Variants in HK3 observed in about 807,000 individuals in gnomAD.
HK3 encodes the protein hexokinase-3.
Under a neutral mutation model 91.0 loss-of-function variants are expected in HK3, and 93 were observed. That is an observed-to-expected ratio of 1.02 (90% confidence interval 0.86 to 1.21). The LOEUF is 1.21. Ranked by LOEUF, HK3 falls within the 50% of genes most tolerant of loss-of-function variation. The pLI, the probability that HK3 is intolerant of heterozygous loss-of-function variation, is 0.00. For synonymous variants in HK3, 519 were observed against 516.9 expected, an observed-to-expected ratio of 1.00 and a Z score of -0.06; for missense variants, 1,235 against 1,247.4, an observed-to-expected ratio of 0.99 and a Z score of 0.15.
chr5:176,897,336 C>A (rs1758932153), intron 1 of HK3, among the ~76,000 whole-genome samples: 1 of 152,116 alleles, frequency 6.6e-6, no homozygotes, highest in Admixed American at 6.5e-5. Context: ...CAAGGGAGCC[C>A]TCAGTGAGTC....
rs766524112 is a variant in HK3 at position 176,887,647 on chromosome 5, C to T, written c.1404G>A (p.Met468Ile). Residue 468 changes from methionine to isoleucine, a missense_variant, in exon 11 of 19, where the codon ATG (methionine) becomes ATA (isoleucine). Transcript: ENST00000292432. This position sits in a 1 kb window ranked among gnomAD's most constrained non-coding sequence, Gnocchi z 4.9. ...SVDGGGRGVA[M>I]VTAVAARLAA... ...CCAGACGGGCAGCCACGGCAGTCAC[C>T]ATCGCCACTCCCCGGCCACCACCAT... The T allele has an allele frequency of 1.7e-5, 27 of 1,613,618 alleles. No homozygotes were observed. The highest frequency in any genetic ancestry group is 2.3e-5 in the Non-Finnish European group (27 of 1,179,972).
rs1013797116 is a variant in HK3 at position 176,881,042 on chromosome 5, C to T, written c.*31G>A. 14 of 1,563,796 alleles carry T rather than the reference C, an allele frequency of 9.0e-6. No homozygotes were observed. The highest frequency in any genetic ancestry group is 6.9e-5 in the African/African-American group (5 of 72,778). The stretch of plus-strand genomic sequence containing the variant: ...CCCCGACCCGGCTCCAGCAAGGCTG[C>T]GGCGGAGACCTCCTCAGCCTGGAGG... On this transcript the variant is annotated 3_prime_UTR_variant, in exon 19 of 19. Transcript: ENST00000292432.
At chr5:176,898,922 C>CTCA (rs1758973582) in intron 1 of HK3, among the ~76,000 whole-genome samples, 1 of 152,132 alleles carries the variant, frequency 6.6e-6, no homozygotes, top group Non-Finnish European at 1.5e-5. Flanking sequence ...TGCTTGAGCC[C>CTCA]AGGAATGTGA....
At chr5:176,892,299 G>A (rs1328230189) in intron 2 of HK3, among the ~76,000 whole-genome samples, 2 of 152,220 alleles carry the variant, frequency 1.3e-5, no homozygotes, top group Non-Finnish European at 2.9e-5. Context: ...TTTTAGATAT[G>A]AGTTCAAGAG....
rs962391675 is a variant in HK3 at position 176,890,961 on chromosome 5, G to A, written c.415-20C>T. 5.0e-6 allele frequency: 8 copies of A among 1,613,786 alleles called. No individual in the cohort carries two copies. The highest frequency in any genetic ancestry group is 3.3e-5 in the Admixed American group (2 of 60,000). ...AAAGAGCTGCAGGAGAAGTGGGGGG[G>A]CTCAGCCTTGCCCATCTGAGCCCTA... is the stretch of plus-strand genomic sequence containing the variant. On this transcript the variant is annotated intron_variant, in intron 4 of 18. Coordinates refer to ENST00000292432, the MANE Select transcript of HK3 (RefSeq NM_002115.3).
chr5:176,896,453 C>T (rs1758911848), intron 1 of HK3, among the ~76,000 whole-genome samples: 1 of 152,238 alleles, frequency 6.6e-6, no homozygotes, highest in Non-Finnish European at 1.5e-5. Context: ...TCACCAGTTC[C>T]TGATGCCTGC....
chr5:176,885,336 C>G (rs915035389), intron 13 of HK3, among the ~76,000 whole-genome samples: 2 of 152,242 alleles, frequency 1.3e-5, no homozygotes, highest in African/African-American at 4.8e-5. Context: ...AAATTCTGCA[C>G]AGCAAAGGCT....
In HK3 at chr5:176,887,730, G is replaced by T. The variant is rs1758639136; in HGVS notation, c.1321C>A (p.Gln441Lys). 6.2e-7 allele frequency: 1 copy of T among 1,609,090 alleles called. No homozygotes were observed. The highest frequency in any genetic ancestry group is 8.5e-7 in the Non-Finnish European group (1 of 1,176,368). The change falls in exon 11 of 19, where the codon CAG becomes AAG. Residue 441 changes from glutamine to lysine, a missense_variant. This residue lies in a region of HK3 where 717 missense variants were observed against 751.6 expected (regional missense o/e 0.95). Transcript: ENST00000292432. The surrounding 1 kb of genome is among the most constrained non-coding windows in gnomAD (Gnocchi z 4.9). ...GGGGCCAGGAGCATCACTGTCCCCTGCAGGACGCTGCAGAACCTACAGATA... is the reference window on the plus strand; with the variant it reads ...GGGGCCAGGAGCATCACTGTCCCCTTCAGGACGCTGCAGAACCTACAGATA... ...ERHPRFCSVL[Q>K]GTVMLLAPEC... is the part of the protein sequence containing the mutation.
rs762837633 is a variant in HK3 at position 176,888,800 on chromosome 5, C to T, written c.979G>A (p.Ala327Thr). Reference protein sequence around the residue: ...ELVRLVLAHLARCGVLFGGCT... With the variant: ...ELVRLVLAHLTRCGVLFGGCT... ...CCACCAAAGAGGACCCCACACCGGG[C>T]CAAGTGAGCCAGCACCAGCCGCACC... The change falls in exon 9 of 19, where the codon GCC becomes ACC. Residue 327 changes from alanine to threonine, a missense_variant. Transcript: ENST00000292432. The T allele has an allele frequency of 3.0e-5, 49 of 1,614,158 alleles. No individual in the cohort carries two copies. In the South Asian group the frequency reaches 5.2e-4, roughly 17 times the overall value.
Position 176,887,598 on chromosome 5 carries a change from C to T in HK3, c.1453G>A (p.Glu485Lys). 6.2e-7 allele frequency: 1 copy of T among 1,613,872 alleles called. No individual in the cohort carries two copies. Among genetic ancestry groups the T allele is most frequent in the South Asian group, 1.1e-5 (1 of 91,080 alleles). The part of the protein sequence containing the change: ...RLAAHRRLLE[E>K]TLAPFRLNHD... ...TTCAACCGGAATGGGGCCAGGGTCT[C>T]CTCCAGCAGGCGCCGGTGGGCAGCC... is the stretch of plus-strand genomic sequence containing the variant. Residue 485 changes from glutamate to lysine, a missense_variant, in exon 11 of 19, where the codon GAG becomes AAG. Around this residue, in one of 3 missense-constraint regions of HK3, gnomAD observed 717 missense variants for 751.6 expected, o/e 0.95. Coordinates refer to ENST00000292432, the MANE Select transcript of HK3 (RefSeq NM_002115.3). The surrounding 1 kb of genome is among the most constrained non-coding windows in gnomAD (Gnocchi z 4.9).
At chr5:176,898,648 A>G (rs979557803) in intron 1 of HK3, among the ~76,000 whole-genome samples, 1 of 152,214 alleles carries the variant, frequency 6.6e-6, no homozygotes, top group African/African-American at 2.4e-5. Context: ...AAATGTATTC[A>G]GCTCTGTCTC....
intron 13 of HK3, among the ~76,000 whole-genome samples, chr5:176,886,654 C>CA (rs964705697): frequency 1.3e-5 from 2 of 151,940 alleles, no homozygotes; most frequent in Admixed American, 6.6e-5. Flanking sequence ...GGAGAGAGGC[C>CA]AAAAAAACCC....
At position 176,881,141 on chromosome 5, in the gene HK3, C is replaced by T. The variant is rs140114849; in HGVS notation, c.2704G>A (p.Gly902Arg). ...ACCAGGGCCGCACCTTTGCCGGACC[C>T]ATCCTCTGACTGCAGGAACGTGACC... The part of the protein sequence containing the change: ...CVVTFLQSED[G>R]SGKGAALVTA... Residue 902 changes from glycine to arginine, a missense_variant, in exon 19 of 19, where the codon GGG becomes AGG. By Grantham distance (125) the Gly-to-Arg change is moderately radical. Coordinates refer to ENST00000292432, the MANE Select transcript of HK3 (RefSeq NM_002115.3). 6.2e-6 allele frequency: 10 copies of T among 1,613,102 alleles called. No individual in the cohort carries two copies. In the African/African-American group the frequency reaches 1.1e-4, roughly 17 times the overall value.
intron 15 of HK3, 95 bp from the exon 16 acceptor site, chr5:176,882,222 A>G: frequency 1.6e-6 from 2 of 1,277,134 alleles, no homozygotes; most frequent in Non-Finnish European, 2.2e-6. Context: ...ATTCGGGCTC[A>G]CTCTCTCTAC....
In HK3 at chr5:176,883,820, A is replaced by C. The variant is rs762455016; in HGVS notation, c.2003T>G (p.Met668Arg). 3.7e-6 allele frequency: 6 copies of C among 1,614,068 alleles called. No individual in the cohort carries two copies. The highest frequency in any genetic ancestry group is 4.2e-6 in the Non-Finnish European group (5 of 1,180,006). The change falls in exon 15 of 19, where the codon ATG (methionine) becomes AGG (arginine). Residue 668 changes from methionine to arginine, a missense_variant. Met to Arg is a moderately conservative substitution (Grantham distance 91). This residue lies in a region of HK3 where 513 missense variants were observed against 477.4 expected (regional missense o/e 1.07). Transcript: ENST00000292432. ...GGGGTCCTCATAGCCACAGGACATCATGGTCCCCACCGTGTCATTGACAAT... is the reference window on the plus strand; with the variant it reads ...GGGGTCCTCATAGCCACAGGACATCCTGGTCCCCACCGTGTCATTGACAAT... ...VAIVNDTVGTMMSCGYEDPRC... is the reference protein window; with the variant it reads ...VAIVNDTVGTRMSCGYEDPRC...
At chr5:176,895,936 C>T in intron 2 of HK3, 128 bp downstream of exon 2, 3 of 765,948 alleles carry the variant, frequency 3.9e-6, no homozygotes. Flanking sequence ...TCGTTACCAG[C>T]TCAGATATGA....
At chr5:176,893,515 C>T (rs1325563069) in intron 2 of HK3, among the ~76,000 whole-genome samples, 1 of 152,162 alleles carries the variant, frequency 6.6e-6, no homozygotes, top group Non-Finnish European at 1.5e-5. Context: ...TTGCTCAAGG[C>T]TACATCTGAG....
At position 176,883,800 on chromosome 5, in the gene HK3, C is replaced by G. The variant is rs1758506697; in HGVS notation, c.2023G>C (p.Asp675His). 1.9e-6 allele frequency: 3 copies of G among 1,614,086 alleles called. No homozygotes were observed. Among genetic ancestry groups the G allele is most frequent in the Non-Finnish European group, 2.5e-6 (3 of 1,180,002 alleles). The change falls in exon 15 of 19, where the codon GAC becomes CAC. Residue 675 changes from aspartate to histidine, a missense_variant. Physicochemically the swap from Asp to His is moderately conservative, Grantham distance 81 (BLOSUM62 -1). Transcript: ENST00000292432. Reference sequence around the variant, plus strand: ...ATGAGGCCTATCTCGCAACGGGGGTCCTCATAGCCACAGGACATCATGGTC... The same window carrying G: ...ATGAGGCCTATCTCGCAACGGGGGTGCTCATAGCCACAGGACATCATGGTC... ...VGTMMSCGYE[D>H]PRCEIGLIVG... is the part of the protein sequence containing the mutation.
chr5:176,888,472 A>G lies in HK3; in HGVS notation c.1164T>C (p.Cys388=), dbSNP rs1401480208. 1.3e-6 allele frequency: 2 copies of G among 1,553,844 alleles called. No individual in the cohort carries two copies. Among genetic ancestry groups the G allele is most frequent in the African/African-American group, 2.7e-5 (2 of 73,230 alleles). ...ASDVELVQHV[C]AAVCTRAAQL... ...GGGCAGCCCGCGTGCACACGGCCGCACAGACGTGCTGCACAAGCTCAACAT... is the reference window on the plus strand; with the variant it reads ...GGGCAGCCCGCGTGCACACGGCCGCGCAGACGTGCTGCACAAGCTCAACAT... Residue 388 remains cysteine (C), a synonymous_variant, in exon 10 of 19, where the codon TGT becomes TGC. Coordinates refer to ENST00000292432, the MANE Select transcript of HK3 (RefSeq NM_002115.3).
Sources: gnomAD v4.1 joint callset for allele counts (sites outside exome capture counted in the v4.1 genomes callset) on GRCh38, gnomAD v4.1.1 for gene constraint, gnomAD v4.1.1 regional missense constraint, Gnocchi (gnomAD v3.1) non-coding constraint, MANE v1.5 for transcripts, NCBI Gene and HGNC (gene_info 2026-07-23, HGNC 2026-07-21) for gene names.